ANXA13: variants seen among roughly 807,000 people sequenced by gnomAD.
ANXA13 encodes the protein annexin A13.
ANXA13 carries 36 observed loss-of-function variants against 46.6 expected under a neutral mutation model. That is an observed-to-expected ratio of 0.77 (90% CI 0.59 to 1.02). The LOEUF (loss-of-function observed/expected upper bound fraction) is 1.02. Ranked by LOEUF, ANXA13 falls within the 50% of genes least tolerant of loss-of-function variation. ANXA13 has a pLI of 0.00. For missense variants in ANXA13, 417 were observed against 396.5 expected, an observed-to-expected ratio of 1.05 and a Z score of -0.44; for synonymous variants, 163 against 152.9, an observed-to-expected ratio of 1.07 and a Z score of -0.49.
intron 9 of ANXA13, among the ~76,000 whole-genome samples, chr8:123,685,000 C>T (rs1290403938): frequency 6.6e-6 from 1 of 152,190 alleles, no homozygotes; most frequent in East Asian, 1.9e-4. Flanking sequence ...CCATGATTCT[C>T]GTTATTTCCC....
At chr8:123,694,875 C>T (rs1231091270) in intron 6 of ANXA13, among the ~76,000 whole-genome samples, 2 of 152,162 alleles carry the variant, frequency 1.3e-5, no homozygotes, top group East Asian at 1.9e-4. Context: ...AAGCCTCTCT[C>T]TTCTGTTCTC....
At chr8:123,705,198 G>T (rs1245843915) in intron 2 of ANXA13, among the ~76,000 whole-genome samples, 2 of 152,042 alleles carry the variant, frequency 1.3e-5, no homozygotes, top group African/African-American at 4.8e-5. Flanking sequence ...TCTTTTACCT[G>T]TTCCTCTTCT....
intron 9 of ANXA13, among the ~76,000 whole-genome samples, chr8:123,686,556 C>T (rs767896263): frequency 2.0e-5 from 3 of 152,148 alleles, no homozygotes; most frequent in Non-Finnish European, 4.4e-5. Flanking sequence ...TCTTGCTCCC[C>T]TTTGCCTTCA....
chr8:123,705,361 G>C (rs1813520487), intron 2 of ANXA13, among the ~76,000 whole-genome samples: 1 of 152,164 alleles, frequency 6.6e-6, no homozygotes, highest in Non-Finnish European at 1.5e-5. Flanking sequence ...TTGACTCCTA[G>C]AATTACATCA....
intron 1 of ANXA13, 67 bp from the exon 2 acceptor site, chr8:123,712,820 C>T (rs1460720460): frequency 1.8e-5 from 25 of 1,423,446 alleles, no homozygotes; most frequent in Middle Eastern, 3.5e-4. Context: ...TGGCTAAAAT[C>T]GGTAGCAAAC....
intron 8 of ANXA13, 33 bp downstream of exon 8, chr8:123,693,164 T>C (rs776101344): frequency 6.3e-7 from 1 of 1,574,898 alleles, no homozygotes; most frequent in Admixed American, 1.7e-5. Flanking sequence ...ACTTTCAGAG[T>C]GAACTCTTTT....
At chr8:123,687,254 T>C (rs892781101) in intron 9 of ANXA13, among the ~76,000 whole-genome samples, 1 of 152,170 alleles carries the variant, frequency 6.6e-6, no homozygotes, top group Admixed American at 6.5e-5. Context: ...ACAATGCAGG[T>C]ATAGCAAGCA....
At chr8:123,724,022 A>G (rs1278334257) in intron 1 of ANXA13, among the ~76,000 whole-genome samples, 4 of 152,222 alleles carry the variant, frequency 2.6e-5, no homozygotes, top group Admixed American at 2.6e-4. Flanking sequence ...TGGCAGTAGT[A>G]GGGACAGAAG....
intron 3 of ANXA13, among the ~76,000 whole-genome samples, chr8:123,701,682 C>T (rs1813449668): frequency 6.6e-6 from 1 of 151,982 alleles, no homozygotes; most frequent in Non-Finnish European, 1.5e-5. Context: ...GGCACTGGGT[C>T]CTCCAGGAAT....
chr8:123,708,750 A>G (rs140103066), intron 2 of ANXA13, among the ~76,000 whole-genome samples: 1 of 152,250 alleles, frequency 6.6e-6, no homozygotes, highest in African/African-American at 2.4e-5. Flanking sequence ...GGAAGTCTGA[A>G]ATCCTGGTGT....
chr8:123,713,580 G>T (rs1813702214), intron 1 of ANXA13, among the ~76,000 whole-genome samples: 1 of 152,160 alleles, frequency 6.6e-6, no homozygotes, highest in Non-Finnish European at 1.5e-5. Context: ...ATTAAAAACT[G>T]CAATTAACCT....
intron 1 of ANXA13, among the ~76,000 whole-genome samples, chr8:123,736,748 TCTGCAAGGCACTATTTA>T (rs374782617): frequency 1.9e-3 from 289 of 152,298 alleles, no homozygotes; most frequent in African/African-American, 6.5e-3. Context: ...CCATTTGCTC[TCTGCAAGGCACTATTTA>T]CTGCCTTATT....
intron 9 of ANXA13, among the ~76,000 whole-genome samples, chr8:123,687,127 C>T (rs1813154642): frequency 6.6e-6 from 1 of 152,138 alleles, no homozygotes; most frequent in Non-Finnish European, 1.5e-5. Context: ...GCCTTATTTA[C>T]CTCTTATTCC....
chr8:123,711,469 A>C, intron 2 of ANXA13, among the ~76,000 whole-genome samples: 1 of 151,636 alleles, frequency 6.6e-6, no homozygotes. Flanking sequence ...CCCTCATCCC[A>C]CCCTGGTCCC....
At chr8:123,722,771 G>A (rs1179396281) in intron 1 of ANXA13, among the ~76,000 whole-genome samples, 3 of 152,184 alleles carry the variant, frequency 2.0e-5, no homozygotes, top group African/African-American at 7.2e-5. Flanking sequence ...CGCTGGACAG[G>A]GAGGTTTCAT....
intron 1 of ANXA13, among the ~76,000 whole-genome samples, chr8:123,733,897 G>A (rs941135706): frequency 9.9e-5 from 15 of 152,158 alleles, no homozygotes; most frequent in East Asian, 1.9e-4. Flanking sequence ...GTTTGACAAC[G>A]CGTTCCATAG....
At chr8:123,733,564 A>G (rs1316410674) in intron 1 of ANXA13, among the ~76,000 whole-genome samples, 1 of 152,270 alleles carries the variant, frequency 6.6e-6, no homozygotes, top group African/African-American at 2.4e-5. Context: ...TATTGGCACA[A>G]GCAAGTCATA....
At chr8:123,685,231 TC>T (rs1018727385) in intron 9 of ANXA13, among the ~76,000 whole-genome samples, 2 of 152,194 alleles carry the variant, frequency 1.3e-5, no homozygotes, top group African/African-American at 4.8e-5. Flanking sequence ...TTTTCCAGGT[TC>T]CCCACGATCT....
intron 1 of ANXA13, among the ~76,000 whole-genome samples, chr8:123,716,811 C>CCCAT (rs1385962577): frequency 2.6e-5 from 4 of 152,082 alleles, no homozygotes; most frequent in African/African-American, 9.7e-5. Flanking sequence ...GGGCCTCAGG[C>CCCAT]CTGTTTCCCT....
Sources: gnomAD v4.1 joint callset for allele counts (sites outside exome capture counted in the v4.1 genomes callset) on GRCh38, gnomAD v4.1.1 for gene constraint, MANE v1.5 for transcripts, NCBI Gene and HGNC (gene_info 2026-07-23, HGNC 2026-07-21) for gene names.